MYO15B: variants seen among roughly 807,000 people sequenced by gnomAD.
The protein encoded by MYO15B is myosin XVB.
A neutral mutation model predicts 119.3 loss-of-function variants in MYO15B; 207 were observed. That is an observed-to-expected ratio of 1.73 (90% CI 1.55 to 1.95). MYO15B has a LOEUF of 1.95. Ranked by LOEUF, MYO15B falls within the 30% of genes most tolerant of loss-of-function variation. The pLI, the probability that MYO15B is intolerant of heterozygous loss-of-function variation, is 0.00. For missense variants in MYO15B, 2,264 were observed against 1,203.1 expected, an observed-to-expected ratio of 1.88 and a Z score of -13.04; for synonymous variants, 966 against 498.9, an observed-to-expected ratio of 1.94 and a Z score of -12.48.
At chr17:75,621,230 A>G in intron 50 of MYO15B, 54 bp downstream of exon 50, 1 of 661,702 alleles carries the variant, frequency 1.5e-6, no homozygotes, top group Non-Finnish European at 2.8e-6. Flanking sequence ...TTCCTGAGAG[A>G]GAGCACCCTG....
chr17:75,611,079 C>T, intron 23 of MYO15B, 120 bp downstream of exon 23: 2 of 681,528 alleles, frequency 2.9e-6, no homozygotes, highest in South Asian at 1.5e-5. Context: ...ATGCATTGCA[C>T]CTCCTGAGAA....
chr17:75,592,860 G>T lies in MYO15B; in HGVS notation c.2991+20G>T. On this transcript the variant is annotated intron_variant, in intron 9 of 63. Coordinates refer to ENST00000645453, the Ensembl canonical transcript of MYO15B. ...TCAGAGGTGGGCTTCCCCGTGGGCAGGGGCCATCTGGGGTGCTGGGTCTGT... is the reference window on the plus strand; with the variant it reads ...TCAGAGGTGGGCTTCCCCGTGGGCATGGGCCATCTGGGGTGCTGGGTCTGT... The T allele has an allele frequency of 1.4e-6, 1 of 697,062 alleles. No individual in the cohort carries two copies. Among genetic ancestry groups the T allele is most frequent in the Non-Finnish European group, 2.6e-6 (1 of 381,244 alleles). 43.2% of individuals were successfully genotyped at this position (697,062 alleles called of 1,614,324 possible).
chr17:75,596,275 C>G, intron 12 of MYO15B, 185 bp from the exon 13 acceptor site: 1 of 590,526 alleles, frequency 1.7e-6, no homozygotes, highest in Non-Finnish European at 3.0e-6. Flanking sequence ...CTAGAGGGAC[C>G]TGTGGCTGGG....
intron 35 of MYO15B, 46 bp from the exon 36 acceptor site, chr17:75,615,647 G>A (rs1203203136): frequency 1.5e-6 from 1 of 653,184 alleles, no homozygotes; most frequent in East Asian, 2.7e-5. Flanking sequence ...GGAGAGGTCT[G>A]TGGCTCGGGG....
exon 10 of MYO15B, chr17:75,594,560 T>G: frequency 1.5e-6 from 1 of 651,760 alleles, no homozygotes; most frequent in Non-Finnish European, 2.8e-6. Context: ...CCAGAGTGCC[T>G]GGAGGGGGCT....
At chr17:75,603,125 T>A (rs1264571539) in intron 18 of MYO15B, 48 bp downstream of exon 18, 1 of 702,692 alleles carries the variant, frequency 1.4e-6, no homozygotes, top group Non-Finnish European at 2.6e-6. Flanking sequence ...TCCCTGCACC[T>A]CCCTCCCCAC....
exon 27 of MYO15B, chr17:75,613,163 C>T (rs760250816): frequency 7.0e-5 from 49 of 701,578 alleles, no homozygotes; most frequent in Middle Eastern, 4.6e-4. Flanking sequence ...GGCTGTTTTG[C>T]TCAGCGCCTT....
chr17:75,606,077 C>T, intron 21 of MYO15B, 56 bp downstream of exon 21: 3 of 626,932 alleles, frequency 4.8e-6, no homozygotes, highest in African/African-American at 1.8e-5. Flanking sequence ...GTGGGTTCGT[C>T]CTCCAGGTGG....
At chr17:75,606,239 T>C (rs2057641317) in intron 21 of MYO15B, among the ~76,000 whole-genome samples, 1 of 152,116 alleles carries the variant, frequency 6.6e-6, no homozygotes, top group Non-Finnish European at 1.5e-5. Context: ...CATTACCTAC[T>C]GAGGCCACCT....
intron 21 of MYO15B, among the ~76,000 whole-genome samples, chr17:75,609,770 A>T (rs2057899998): frequency 1.5e-5 from 2 of 134,348 alleles, no homozygotes; most frequent in African/African-American, 5.6e-5. Flanking sequence ...CAATGGCGCG[A>T]TCTCGGCTCA....
rs976827739 is a variant in MYO15B at position 75,613,387 on chromosome 17, A to G, written c.5062A>G (p.Thr1688Ala). The change falls in exon 28 of 64, where the codon ACT becomes GCT. Residue 1688 changes from threonine (T) to alanine (A), a missense_variant. Coordinates refer to ENST00000645453, the Ensembl canonical transcript of MYO15B. ...GCAGTCGCAGCTGGCCTCGGGGGCC[A>G]CTCGGGCCCACCCCCCGACCCAGCT... The G allele has an allele frequency of 5.7e-5, 38 of 671,394 alleles. No individual in the cohort carries two copies. The African/African-American group carries it at 6.4e-4, about 11-fold the overall frequency. 41.6% of individuals were successfully genotyped at this position (671,394 alleles called of 1,614,324 possible).
intron 52 of MYO15B, 73 bp downstream of exon 52, chr17:75,621,643 CCTT>C (rs2058719074): frequency 1.5e-6 from 1 of 673,558 alleles, no homozygotes; most frequent in Non-Finnish European, 2.7e-6. Flanking sequence ...CCCCTTATCT[CCTT>C]GAGCTCTGCC....
chr17:75,593,706 G>A (rs1177816814), intron 9 of MYO15B, among the ~76,000 whole-genome samples: 5 of 149,034 alleles, frequency 3.4e-5, no homozygotes, highest in African/African-American at 1.2e-4. Context: ...GATCACCTGA[G>A]GTCAGGAGTT....
At chr17:75,614,206 G>A in exon 30 of MYO15B, 1 of 702,156 alleles carries the variant, frequency 1.4e-6, no homozygotes, top group Non-Finnish European at 2.6e-6. Context: ...CAGAGGCCTG[G>A]AGGCGCCTCC....
intron 6 of MYO15B, 23 bp from the exon 7 acceptor site, chr17:75,592,215 A>G (rs2056514098): frequency 1.4e-6 from 1 of 702,276 alleles, no homozygotes; most frequent in Non-Finnish European, 2.6e-6. Context: ...CTGGGCACTC[A>G]CACCCATCTT....
chr17:75,614,633 C>T (rs1195936547), exon 31 of MYO15B: 2 of 700,920 alleles, frequency 2.9e-6, no homozygotes, highest in East Asian at 2.7e-5. Flanking sequence ...TCACTGCCCC[C>T]AGGACCCCCT....
At chr17:75,610,043 T>G (rs1218777006) in intron 21 of MYO15B, 123 bp from the exon 22 acceptor site, 2 of 541,242 alleles carry the variant, frequency 3.7e-6, no homozygotes, top group Non-Finnish European at 6.7e-6. Flanking sequence ...CTGTGAAGCA[T>G]CCAGGGCTTC....
chr17:75,602,402 T>C (rs2057341234), intron 15 of MYO15B, 115 bp from the exon 16 acceptor site: 1 of 701,028 alleles, frequency 1.4e-6, no homozygotes, highest in Admixed American at 2.0e-5. Context: ...AAGGCAGCCT[T>C]TCAGGTCACC....
chr17:75,594,250 A>T (rs62089228), intron 9 of MYO15B, among the ~76,000 whole-genome samples: 32,073 of 152,158 alleles, frequency 0.21, 4,143 homozygotes, highest in Non-Finnish European at 0.3. Flanking sequence ...GGGCGCAGGA[A>T]GGAAGGAGCC....
Sources: allele counts gnomAD v4.1 joint callset (sites outside exome capture counted in the v4.1 genomes callset), GRCh38; gene constraint gnomAD v4.1.1; transcripts MANE v1.5; gene names NCBI Gene and HGNC (gene_info 2026-07-23, HGNC 2026-07-21).